Variants in GPR173 observed in about 807,000 individuals in gnomAD.
GPR173 encodes the protein G protein-coupled receptor 173, also known as probable G protein-coupled receptor 173.
Under a neutral mutation model 13.9 loss-of-function variants are expected in GPR173, and 2 were observed. The observed-to-expected ratio is 0.14, with a 90% CI of 0.06 to 0.45. The LOEUF (loss-of-function observed/expected upper bound fraction) is 0.45. Among genes scored for constraint, GPR173 ranks in the 20% least tolerant of loss-of-function variants. GPR173 has a pLI of 0.98. For synonymous variants in GPR173, 131 were observed against 141.0 expected, an observed-to-expected ratio of 0.93 and a Z score of 0.50; for missense variants, 202 against 340.5, an observed-to-expected ratio of 0.59 and a Z score of 3.20.
chrX:53,074,053 T>TAAATATAC (rs1932339457), intron 1 of GPR173, among the ~76,000 whole-genome samples: 5 of 41,921 alleles, frequency 1.2e-4, no homozygotes, highest in Non-Finnish European at 1.0e-4. Context: ...TATAAATATA[T>TAAATATAC]ATTTATAAAT....
chrX:53,066,162 A>G (rs1932181243), intron 1 of GPR173, among the ~76,000 whole-genome samples: 2 of 111,739 alleles, frequency 1.8e-5, no homozygotes, highest in Non-Finnish European at 3.8e-5. Flanking sequence ...CATTTTGTGT[A>G]TCTTAAAATA....
At chrX:53,057,423 A>G (rs1272373564) in intron 1 of GPR173, among the ~76,000 whole-genome samples, 1 of 102,201 alleles carries the variant, frequency 9.8e-6, no homozygotes, top group African/African-American at 3.6e-5. Flanking sequence ...ATCTCAAAAA[A>G]AAAAAAAAAG....
chrX:53,072,801 A>AG (rs782297282), intron 1 of GPR173, among the ~76,000 whole-genome samples: 1 of 111,768 alleles, frequency 8.9e-6, no homozygotes, highest in South Asian at 3.7e-4. Flanking sequence ...CCACAGTCTG[A>AG]GGGGGCTGTC....
Position 53,079,386 on chromosome X carries a change from G to T in GPR173, c.*1643G>T. On this transcript the variant is annotated 3_prime_UTR_variant, in exon 2 of 2. Coordinates refer to ENST00000332582, the MANE Select transcript of GPR173 (RefSeq NM_018969.6). ...GAGTGGCTGAGAGGCTGGGAGTAGG[G>T]GAGCCTGTTCTCTCAGCGATAGTGA... The T allele has an allele frequency of 8.7e-6, 1 of 114,539 alleles. No homozygotes were observed. 9.4% of individuals were successfully genotyped at this position (114,539 alleles called of 1,213,427 possible).
rs782646131 is a variant in GPR173, at chrX:53,076,950, C to T, written c.329C>T (p.Ala110Val). The T allele has an allele frequency of 3.3e-6, 4 of 1,208,121 alleles. No individual in the cohort carries two copies. Among genetic ancestry groups the T allele is most frequent in the Non-Finnish European group, 4.5e-6 (4 of 894,309 alleles). ...ATGGCCGTGCTCTTTTGCTTCCATG[C>T]GGCCTTCATGCTGTTCTGCATCAGC... ...AFMAVLFCFH[A>V]AFMLFCISVT... Residue 110 changes from alanine to valine, a missense_variant, in exon 2 of 2, where the codon GCG (alanine) becomes GTG (valine). Coordinates refer to ENST00000332582, the MANE Select transcript of GPR173 (RefSeq NM_018969.6).
chrX:53,065,368 G>A (rs955961861), intron 1 of GPR173: 8 of 112,055 alleles, frequency 7.1e-5, no homozygotes, highest in South Asian at 7.4e-4. Context: ...AAAAACACAA[G>A]CTTTGGGGTC....
chrX:53,063,338 A>C (rs782136341), intron 1 of GPR173, among the ~76,000 whole-genome samples: 2 of 110,270 alleles, frequency 1.8e-5, no homozygotes, highest in African/African-American at 6.6e-5. Context: ...ACTGCTCCAG[A>C]ATTGAAGGAG....
At chrX:53,073,768 T>C (rs978681804) in intron 1 of GPR173, among the ~76,000 whole-genome samples, 3 of 84,101 alleles carry the variant, frequency 3.6e-5, no homozygotes, top group African/African-American at 8.8e-5. Context: ...GTAAATTATA[T>C]ATATAAAATT....
At position 53,078,006 on chromosome X, in the gene GPR173, CTCTCTCTCTCTG is replaced by C. The variant is rs1199142924; in HGVS notation, c.*275_*286del. The stretch of plus-strand genomic sequence containing the variant: ...CCACTTCTACAATCTCATTCTCTCT[CTCTCTCTCTCTG>C]TCTCTCTCTCTCTCTCTCTCTCTCT... On this transcript the variant is annotated 3_prime_UTR_variant, in exon 2 of 2. Transcript: ENST00000332582. The C allele has an allele frequency of 3.7e-5, 13 of 350,434 alleles. No individual in the cohort carries two copies. In the Admixed American group the frequency reaches 5.2e-4, roughly 14 times the overall value. 28.9% of individuals were successfully genotyped at this position (350,434 alleles called of 1,213,427 possible). A position where few individuals can be genotyped will look rare whatever the true frequency, so the allele number is the denominator to read the frequency against.
intron 1 of GPR173, 103 bp from the exon 2 acceptor site, chrX:53,076,422 T>A (rs981083097): frequency 8.8e-5 from 33 of 375,387 alleles, no homozygotes; most frequent in Non-Finnish European, 1.4e-4. Context: ...CCTGTTGTGT[T>A]TTTCTGCCTG....
In GPR173 at chrX:53,076,662, C is replaced by G; in HGVS notation, c.41C>G (p.Ala14Gly). The G allele has an allele frequency of 8.3e-7, 1 of 1,202,062 alleles. No individual in the cohort carries two copies. The highest frequency in any genetic ancestry group is 1.1e-6 in the Non-Finnish European group (1 of 889,188). The change falls in exon 2 of 2, where the codon GCT (alanine) becomes GGT (glycine). Residue 14 changes from alanine (A) to glycine (G), a missense_variant. Transcript: ENST00000332582. ...GGAGAGCCTGAGGAGGTGAGCGGCG[C>G]TCTGTCCCCACCGTCCGCATCAGCT... is the stretch of plus-strand genomic sequence containing the variant. Reference protein sequence around the residue: ...TTGEPEEVSGALSPPSASAYV... With the variant: ...TTGEPEEVSGGLSPPSASAYV...
At chrX:53,074,742 TATA>T (rs1173807359) in intron 1 of GPR173, among the ~76,000 whole-genome samples, 1 of 93,790 alleles carries the variant, frequency 1.1e-5, no homozygotes, top group East Asian at 3.2e-4. Context: ...TATATATAAA[TATA>T]ATTATATATA....
At position 53,076,786 on chromosome X, in the gene GPR173, G is replaced by A; in HGVS notation, c.165G>A (p.Lys55=). 3.3e-6 allele frequency: 4 copies of A among 1,210,599 alleles called. No homozygotes were observed. Among genetic ancestry groups the A allele is most frequent in the Non-Finnish European group, 4.5e-6 (4 of 894,373 alleles). The part of the protein sequence containing the change: ...LLVLKERALH[K]APYYFLLDLC... ...TGCTCAAGGAGCGTGCCCTGCACAA[G>A]GCTCCTTACTACTTCCTGCTGGACC... The change falls in exon 2 of 2, where the codon AAG becomes AAA. Residue 55 remains lysine, a synonymous_variant. Transcript: ENST00000332582.
Position 53,078,268 on chromosome X carries a change from A to G in GPR173, c.*525A>G, listed in dbSNP as rs1932473020. The G allele has an allele frequency of 8.0e-6, 1 of 125,613 alleles. No homozygotes were observed. The highest frequency in any genetic ancestry group is 3.3e-5 in the African/African-American group (1 of 30,380). The allele number at this position is 125,613 out of a possible 1,213,427, so 10.4% of individuals were successfully genotyped here. A position where few individuals can be genotyped will look rare whatever the true frequency, so the allele number is the denominator to read the frequency against. ...GCAAGGCCTGGATGTTTAGGGAGAA[A>G]GTGGTCCAAGGCTGCTGACAAGAGG... On this transcript the variant is annotated 3_prime_UTR_variant, in exon 2 of 2. Transcript: ENST00000332582.
chrX:53,071,949 T>C (rs1556804805), intron 1 of GPR173, among the ~76,000 whole-genome samples: 1 of 109,855 alleles, frequency 9.1e-6, no homozygotes, highest in African/African-American at 3.3e-5. Context: ...AGTAGACCGT[T>C]TATGGGGGGA....
At chrX:53,061,973 A>AGAAGG (rs1569221893) in intron 1 of GPR173, among the ~76,000 whole-genome samples, 69 of 86,491 alleles carry the variant, frequency 8.0e-4, no homozygotes, top group Middle Eastern at 5.3e-3. Flanking sequence ...GAGAGAGAAG[A>AGAAGG]GAAGGGAAGG....
At chrX:53,069,720 G>A (rs781806428) in intron 1 of GPR173, among the ~76,000 whole-genome samples, 2 of 112,179 alleles carry the variant, frequency 1.8e-5, no homozygotes, top group African/African-American at 6.5e-5. Context: ...GTTTGTTTGC[G>A]TATTGCTAAA....
chrX:53,074,001 A>G (rs1328558720), intron 1 of GPR173, among the ~76,000 whole-genome samples: 1 of 27,345 alleles, frequency 3.7e-5, no homozygotes, highest in Non-Finnish European at 5.0e-5. Context: ...ATACATAAAT[A>G]TATATTATAC....
intron 1 of GPR173, among the ~76,000 whole-genome samples, chrX:53,070,200 A>T (rs782622366): frequency 6.7e-4 from 75 of 111,732 alleles, no homozygotes; most frequent in African/African-American, 2.2e-3. Context: ...TATTGGGTCA[A>T]TGAGTATATA....
Sources: allele counts gnomAD v4.1 joint callset (sites outside exome capture counted in the v4.1 genomes callset), GRCh38; gene constraint gnomAD v4.1.1; transcripts MANE v1.5; gene names NCBI Gene and HGNC (gene_info 2026-07-23, HGNC 2026-07-21).